The following GPHN variants were observed in gnomAD, a reference collection of about 807,000 sequenced individuals.
GPHN encodes the protein gephyrin.
GPHN carries 17 observed loss-of-function variants against 95.5 expected under a neutral mutation model. The observed-to-expected ratio is 0.18, with a 90% CI of 0.12 to 0.27. GPHN has a LOEUF of 0.27. Among genes scored for constraint, GPHN ranks in the 10% least tolerant of loss-of-function variants. The pLI, the probability that GPHN is intolerant of heterozygous loss-of-function variation, is 1.00. For missense variants in GPHN, 660 were observed against 978.1 expected (o/e 0.67, Z 4.34); for synonymous variants, 320 against 322.5 (o/e 0.99, Z 0.08).
the GPHN span, among the ~76,000 whole-genome samples, chr14:67,278,341 CTTTT>C: frequency 7.2e-6 from 1 of 138,242 alleles, no homozygotes; most frequent in African/African-American, 2.6e-5. Flanking sequence ...CGGCCCAATT[CTTTT>C]TTTTTTTTTT....
chr14:67,054,433 G>A (rs1187234076), intron 10 of GPHN, among the ~76,000 whole-genome samples: 2 of 152,164 alleles, frequency 1.3e-5, no homozygotes, highest in African/African-American at 2.4e-5. Flanking sequence ...ACAAACTGCT[G>A]CTCAAGGAAA....
At chr14:67,642,566 T>A in the GPHN span, among the ~76,000 whole-genome samples, 2 of 152,266 alleles carry the variant, frequency 1.3e-5, no homozygotes, top group East Asian at 3.9e-4. Flanking sequence ...TATGACACAT[T>A]GCACAGTAAG....
At chr14:67,212,369 C>T in the GPHN span, among the ~76,000 whole-genome samples, 1 of 151,824 alleles carries the variant, frequency 6.6e-6, no homozygotes, top group Admixed American at 6.6e-5. Context: ...GGGCAGATCG[C>T]TCAAGCCAAG....
intron 5 of GPHN, among the ~76,000 whole-genome samples, chr14:66,887,505 G>A (rs910085748): frequency 6.6e-6 from 1 of 152,130 alleles, no homozygotes; most frequent in Non-Finnish European, 1.5e-5. Flanking sequence ...AACCTAGGAG[G>A]TGGAGGTTGC....
At chr14:67,105,637 T>C (rs997708359) in intron 13 of GPHN, among the ~76,000 whole-genome samples, 3 of 152,186 alleles carry the variant, frequency 2.0e-5, no homozygotes, top group Non-Finnish European at 4.4e-5. Flanking sequence ...TTATCTGGTA[T>C]AAATGTGGCT....
chr14:66,684,662 A>G (rs547200712), intron 2 of GPHN, among the ~76,000 whole-genome samples: 2 of 152,344 alleles, frequency 1.3e-5, no homozygotes, highest in African/African-American at 4.8e-5. Flanking sequence ...TTGTGTGAAC[A>G]TGGCAGAGAG....
chr14:66,540,733 C>T (rs1352311148), intron 1 of GPHN, among the ~76,000 whole-genome samples: 2 of 152,238 alleles, frequency 1.3e-5, no homozygotes, highest in East Asian at 1.9e-4. Flanking sequence ...CCCACGCTTA[C>T]TATAATGTTC....
chr14:67,469,147 A>C, the GPHN span, among the ~76,000 whole-genome samples: 1 of 152,196 alleles, frequency 6.6e-6, no homozygotes, highest in Non-Finnish European at 1.5e-5. Flanking sequence ...CAGCCAAAGA[A>C]ATGAAAACCT....
At chr14:67,575,523 C>G in the GPHN span, 10 of 1,124,186 alleles carry the variant, frequency 8.9e-6, no homozygotes, top group East Asian at 2.5e-5. Flanking sequence ...CCCCGAAGCA[C>G]ATGACTGCCA....
the GPHN span, among the ~76,000 whole-genome samples, chr14:67,699,607 A>AAAAAAG: frequency 2.0e-5 from 3 of 149,388 alleles, no homozygotes; most frequent in Admixed American, 6.6e-5. Context: ...AAAAAAAAAA[A>AAAAAAG]AAAAAGAAAC....
chr14:67,304,957 A>G, the GPHN span, among the ~76,000 whole-genome samples: 6 of 152,194 alleles, frequency 3.9e-5, no homozygotes, highest in Non-Finnish European at 7.3e-5. Flanking sequence ...TAGTTTGGCT[A>G]TCATTCCATG....
chr14:67,459,578 TAGA>T, the GPHN span, among the ~76,000 whole-genome samples: 2 of 152,212 alleles, frequency 1.3e-5, no homozygotes, highest in African/African-American at 2.4e-5. Flanking sequence ...AAGCCCTGCT[TAGA>T]AGGTCTTACT....
intron 11 of GPHN, among the ~76,000 whole-genome samples, chr14:67,079,991 A>G (rs1001271238): frequency 2.6e-5 from 4 of 152,002 alleles, no homozygotes; most frequent in African/African-American, 9.7e-5. Flanking sequence ...TTTTTTGAGG[A>G]ACTTCCATAC....
At chr14:67,201,314 T>C in the GPHN span, 10 of 351,218 alleles carry the variant, frequency 2.8e-5, no homozygotes, top group African/African-American at 1.3e-4. Flanking sequence ...CAAATAAATA[T>C]TTTTAAAAAA....
intron 8 of GPHN, among the ~76,000 whole-genome samples, chr14:66,932,088 T>G (rs1029214558): frequency 1.3e-5 from 2 of 152,228 alleles, no homozygotes; most frequent in Non-Finnish European, 2.9e-5. Flanking sequence ...CCAACTCTAG[T>G]AATGCTGTGA....
chr14:67,168,977 C>T lies in GPHN; in HGVS notation c.2020C>T (p.Pro674Ser). The change falls in exon 21 of 23, where the codon CCT (proline) becomes TCT (serine). Residue 674 changes from proline (P) to serine (S), a missense_variant. By Grantham distance (74) the Pro-to-Ser change is moderately conservative. Transcript: ENST00000478722. ...GGTCACCTGCAATCTCTTTGTTGTG[C>T]CTGCACTGAGGAAAATGCAGGGCAT... ...AVVTCNLFVVPALRKMQGILD... is the reference protein window; with the variant it reads ...AVVTCNLFVVSALRKMQGILD... 6.2e-7 allele frequency: 1 copy of T among 1,613,404 alleles called. No homozygotes were observed. Among genetic ancestry groups the T allele is most frequent in the Non-Finnish European group, 8.5e-7 (1 of 1,179,360 alleles).
chr14:67,071,742 T>TA (rs1171082002), intron 11 of GPHN, among the ~76,000 whole-genome samples: 2 of 152,016 alleles, frequency 1.3e-5, no homozygotes, highest in Non-Finnish European at 2.9e-5. Context: ...CACTTCCTTC[T>TA]ATGCATACCA....
At chr14:67,479,674 C>T in the GPHN span, among the ~76,000 whole-genome samples, 3 of 151,728 alleles carry the variant, frequency 2.0e-5, no homozygotes, top group African/African-American at 4.9e-5. Context: ...GCCGAGATAG[C>T]GCCACTGCAC....
intron 11 of GPHN, among the ~76,000 whole-genome samples, chr14:67,067,938 G>A (rs1267818738): frequency 1.3e-5 from 2 of 152,176 alleles, no homozygotes; most frequent in Admixed American, 6.5e-5. Context: ...GCCCTGCTTC[G>A]ACTCGCCCTC....
Sources: gnomAD v4.1 joint callset for allele counts (sites outside exome capture counted in the v4.1 genomes callset) on GRCh38, gnomAD v4.1.1 for gene constraint, MANE v1.5 for transcripts, NCBI Gene and HGNC (gene_info 2026-07-23, HGNC 2026-07-21) for gene names.